The following NPLOC4 variants were observed in gnomAD, a reference collection of about 807,000 sequenced individuals.
The protein encoded by NPLOC4 is NPL4 homolog, ubiquitin recognition factor, also known as nuclear protein localization protein 4 homolog.
Under a neutral mutation model 80.6 loss-of-function variants are expected in NPLOC4, and 18 were observed. That is an observed-to-expected ratio of 0.22 (90% CI 0.15 to 0.33). NPLOC4 has a LOEUF of 0.33. NPLOC4 is among the 10% of genes least tolerant of loss of function. NPLOC4 has a pLI of 1.00. For synonymous variants in NPLOC4, 313 were observed against 301.5 expected (o/e 1.04, Z -0.39); for missense variants, 540 against 786.1 (o/e 0.69, Z 3.74).
intron 12 of NPLOC4, among the ~76,000 whole-genome samples, chr17:81,587,646 A>C (rs2034618005): frequency 6.8e-6 from 1 of 146,436 alleles, no homozygotes; most frequent in South Asian, 2.1e-4. Context: ...AAAAAAAAAA[A>C]AGGAAAAAAG....
chr17:81,606,187 A>C (rs896560763), intron 7 of NPLOC4, among the ~76,000 whole-genome samples: 2 of 152,180 alleles, frequency 1.3e-5, no homozygotes, highest in Non-Finnish European at 2.9e-5. Flanking sequence ...AAAGTCGAGG[A>C]GGCCACGGAA....
intron 1 of NPLOC4, among the ~76,000 whole-genome samples, chr17:81,633,940 C>T (rs1342818086): frequency 6.6e-6 from 1 of 151,408 alleles, no homozygotes; most frequent in Non-Finnish European, 1.5e-5. Context: ...GATCTCGGCT[C>T]ACTGCAATCT....
intron 15 of NPLOC4, among the ~76,000 whole-genome samples, chr17:81,566,174 A>G (rs559544492): frequency 1.7e-3 from 259 of 152,310 alleles, no homozygotes; most frequent in African/African-American, 6.0e-3. Context: ...TCTACTAAAA[A>G]TACAACAATT....
At chr17:81,616,361 G>A (rs1429736452) in intron 3 of NPLOC4, among the ~76,000 whole-genome samples, 2 of 139,530 alleles carry the variant, frequency 1.4e-5, no homozygotes, top group South Asian at 2.4e-4. Flanking sequence ...TGCTAAATCT[G>A]GATCCTTCAG....
chr17:81,605,583 G>A (rs965904270), intron 7 of NPLOC4, among the ~76,000 whole-genome samples: 1 of 151,802 alleles, frequency 6.6e-6, no homozygotes, highest in African/African-American at 2.4e-5. Flanking sequence ...GGGAGGCTGA[G>A]GTTGCAGTGA....
At position 81,618,896 on chromosome 17, in the gene NPLOC4, TGA is replaced by T. The variant is rs542260706; in HGVS notation, c.209+3268_209+3269del. The stretch of plus-strand genomic sequence containing the variant: ...TCTGCCTTGGGATCCTGTTGATCTA[TGA>T]CCTTACCCCAACCCTGTGCTCTCTG... On this transcript the variant is annotated intron_variant, in intron 3 of 16. Coordinates refer to ENST00000331134, the MANE Select transcript of NPLOC4 (RefSeq NM_017921.4). Among the ~76,000 whole-genome samples the T allele has an allele frequency of 5.2e-4, 79 of 152,246 alleles. 1 individual carries two copies. The South Asian group carries it at 0.016, about 31-fold the overall frequency.
At chr17:81,622,060 T>C (rs1389890031) in intron 3 of NPLOC4, 106 bp downstream of exon 3, 1 of 775,684 alleles carries the variant, frequency 1.3e-6, no homozygotes, top group South Asian at 1.4e-5. Flanking sequence ...GATAAGACCA[T>C]AATGAGTGGT....
chr17:81,616,971 C>T (rs2035511093), intron 3 of NPLOC4, among the ~76,000 whole-genome samples: 1 of 152,200 alleles, frequency 6.6e-6, no homozygotes, highest in Non-Finnish European at 1.5e-5. Context: ...GTGGCTCTTC[C>T]CAAATCTCCC....
At chr17:81,571,993 A>T (rs370817432) in intron 13 of NPLOC4, 24 bp downstream of exon 13, 355 of 1,575,662 alleles carry the variant, frequency 2.3e-4, no homozygotes, top group Admixed American at 3.7e-4. Context: ...CCACCTGCCC[A>T]AGCTGTGCAT....
intron 3 of NPLOC4, among the ~76,000 whole-genome samples, chr17:81,614,619 C>G (rs2035432844): frequency 6.6e-6 from 1 of 150,800 alleles, no homozygotes; most frequent in South Asian, 2.1e-4. Flanking sequence ...AAAAAGGTTG[C>G]CACAAGTCAC....
intron 6 of NPLOC4, 115 bp from the exon 7 acceptor site, chr17:81,606,929 G>A (rs867451321): frequency 4.7e-5 from 44 of 927,148 alleles, no homozygotes; most frequent in South Asian, 3.4e-4. Flanking sequence ...AGCTAAGCAC[G>A]TGGCAGCAGC....
intron 12 of NPLOC4, chr17:81,573,659 C>T (rs2034218532): frequency 6.6e-6 from 1 of 152,156 alleles, no homozygotes; most frequent in South Asian, 2.1e-4. Flanking sequence ...CTCAGTTCTC[C>T]ATACCCTCAC....
At chr17:81,613,244 G>T (rs1190384105) in intron 4 of NPLOC4, 74 bp downstream of exon 4, 11 of 1,332,102 alleles carry the variant, frequency 8.3e-6, no homozygotes, top group Non-Finnish European at 1.1e-5. Flanking sequence ...AACAAGACAT[G>T]TTATAAATAT....
chr17:81,597,203 C>T (rs1438899084), intron 10 of NPLOC4, 42 bp downstream of exon 10: 6 of 1,527,608 alleles, frequency 3.9e-6, no homozygotes, highest in Non-Finnish European at 5.4e-6. Context: ...CCATCTGTAA[C>T]CAAGCCATAG....
At position 81,635,631 on chromosome 17, in the gene NPLOC4, T is replaced by C. The variant is rs1394614260; in HGVS notation, c.15+1285A>G. Among the ~76,000 whole-genome samples the C allele has an allele frequency of 2.0e-5, 3 of 152,298 alleles. No homozygotes were observed. In the East Asian group the frequency reaches 5.8e-4, roughly 29 times the overall value. On this transcript the variant is annotated intron_variant, in intron 1 of 16. Transcript: ENST00000331134. ...TATGTTGTCCAGGCTGGTCTTGAACTCCTGACCTCAGGTGATCCACCCACC... is the reference window on the plus strand; with the variant it reads ...TATGTTGTCCAGGCTGGTCTTGAACCCCTGACCTCAGGTGATCCACCCACC...
intron 2 of NPLOC4, among the ~76,000 whole-genome samples, chr17:81,623,171 G>C (rs886585569): frequency 2.0e-5 from 3 of 151,564 alleles, no homozygotes; most frequent in Non-Finnish European, 4.4e-5. Flanking sequence ...TCCAGCTTGG[G>C]CAACAAGAGC....
chr17:81,559,379 G>T lies in NPLOC4; in HGVS notation c.1707C>A (p.Tyr569Ter). Residue 569 changes from tyrosine (Y) to a stop codon, truncating the protein, a stop_gained, in exon 17 of 17, where the codon TAC becomes TAA. Coordinates refer to ENST00000331134, the MANE Select transcript of NPLOC4 (RefSeq NM_017921.4). LOFTEE classifies it high-confidence loss of function. ...TGTGTGTGGAGCCCCCGACGGCGCC[G>T]TACTCATGGAGACCTGGGAGCTGCC... is the stretch of plus-strand genomic sequence containing the variant. ...VGGQLPGLHE[Y>*]GAVGGSTHTA... The T allele has an allele frequency of 6.2e-7, 1 of 1,610,014 alleles. No individual in the cohort carries two copies. Among genetic ancestry groups the T allele is most frequent in the Non-Finnish European group, 8.5e-7 (1 of 1,178,412 alleles).
At chr17:81,600,308 C>A (rs1258101429) in intron 9 of NPLOC4, 33 bp downstream of exon 9, 1 of 1,536,032 alleles carries the variant, frequency 6.5e-7, no homozygotes, top group South Asian at 1.2e-5. Flanking sequence ...AGCCTGGCCA[C>A]GCCCCCTGCT....
At chr17:81,608,569 A>AAAAT (rs1367547508) in intron 6 of NPLOC4, among the ~76,000 whole-genome samples, 159 bp downstream of exon 6, 1 of 152,240 alleles carries the variant, frequency 6.6e-6, no homozygotes, top group Non-Finnish European at 1.5e-5. Flanking sequence ...GAGTACATAA[A>AAAAT]AAATAAATAA....
Sources: allele counts gnomAD v4.1 joint callset (sites outside exome capture counted in the v4.1 genomes callset), GRCh38; gene constraint gnomAD v4.1.1; transcripts MANE v1.5; gene names NCBI Gene and HGNC (gene_info 2026-07-23, HGNC 2026-07-21).